The following PPM1H variants were observed in gnomAD, a reference collection of about 807,000 sequenced individuals.
PPM1H encodes the protein protein phosphatase, Mg2+/Mn2+ dependent 1H.
Under a neutral mutation model 54.9 loss-of-function variants are expected in PPM1H, and 27 were observed. That is an observed-to-expected ratio of 0.49 (90% confidence interval 0.36 to 0.68). The LOEUF (loss-of-function observed/expected upper bound fraction) is 0.68. Ranked by LOEUF, PPM1H falls within the 30% of genes least tolerant of loss-of-function variation. The probability of loss-of-function intolerance (pLI) is 0.00; values close to 1 mark genes in which losing one functional copy is unlikely to be tolerated. For missense variants in PPM1H, 596 were observed against 667.8 expected (o/e 0.89, Z 1.19); for synonymous variants, 305 against 270.8 (o/e 1.13, Z -1.24).
At chr12:62,903,558 G>C (rs1871222234) in intron 1 of PPM1H, among the ~76,000 whole-genome samples, 1 of 152,170 alleles carries the variant, frequency 6.6e-6, no homozygotes, top group African/African-American at 2.4e-5. Flanking sequence ...TAACCACTGA[G>C]CACAAGAACT....
intron 6 of PPM1H, among the ~76,000 whole-genome samples, chr12:62,719,929 G>T (rs1047287864): frequency 6.6e-6 from 1 of 152,176 alleles, no homozygotes; most frequent in African/African-American, 2.4e-5. Context: ...GAGAAATCAG[G>T]TCAGTTTCCT....
intron 2 of PPM1H, among the ~76,000 whole-genome samples, chr12:62,826,133 C>T (rs1361256828): frequency 6.6e-5 from 10 of 151,968 alleles, no homozygotes; most frequent in Non-Finnish European, 1.5e-4. Context: ...ATCTTAACAC[C>T]AATTCATTAT....
intron 4 of PPM1H, among the ~76,000 whole-genome samples, chr12:62,757,200 T>G (rs2076481808): frequency 6.6e-6 from 1 of 152,162 alleles, no homozygotes; most frequent in Non-Finnish European, 1.5e-5. Context: ...CTGAATTATC[T>G]GAGTGTAGAC....
At chr12:62,699,934 C>T (rs1338662333) in intron 6 of PPM1H, among the ~76,000 whole-genome samples, 1 of 152,182 alleles carries the variant, frequency 6.6e-6, no homozygotes, top group East Asian at 1.9e-4. Flanking sequence ...CAGTGGACGA[C>T]ATTCCTTCAA....
rs115803477 is a variant in PPM1H, at chr12:62,658,872, A to G, written c.1397+8306T>C. On this transcript the variant is annotated intron_variant, in intron 9 of 9. Coordinates refer to ENST00000228705, the MANE Select transcript of PPM1H (RefSeq NM_020700.2). The stretch of plus-strand genomic sequence containing the variant: ...CCCAAGATTGTCAAAAAAAGAACCA[A>G]GAAGTTCATCCAGCACCAGTCTGAC... 1.6e-3 allele frequency: 1,003 copies of G among 615,688 alleles called. 12 individuals carry two copies. The African/African-American group carries it at 0.017, about 10-fold the overall frequency. 38.1% of individuals were successfully genotyped at this position (615,688 alleles called of 1,614,324 possible). A position where few individuals can be genotyped will look rare whatever the true frequency, so the allele number is the denominator to read the frequency against.
intron 1 of PPM1H, among the ~76,000 whole-genome samples, chr12:62,843,963 G>A (rs1188640656): frequency 6.6e-6 from 1 of 152,198 alleles, no homozygotes; most frequent in Non-Finnish European, 1.5e-5. Flanking sequence ...ACAAGGGAAA[G>A]AACATGCTAA....
At position 62,934,436 on chromosome 12, in the gene PPM1H, C is replaced by G. The variant is rs1376669839; in HGVS notation, c.245+56G>C. ...AGCAGGGAGAGAAGAGGGCTGGAAC[C>G]GTGCGGGGAAGGGCCGCGAGGAGAG... On this transcript the variant is annotated intron_variant, in intron 1 of 9. Transcript: ENST00000228705. This position sits in a 1 kb window ranked among gnomAD's most constrained non-coding sequence, Gnocchi z 4.2. The G allele has an allele frequency of 3.8e-5, 56 of 1,481,428 alleles. 1 individual carries two copies. The South Asian group carries it at 5.6e-4, about 15-fold the overall frequency. The allele number at this position is 1,481,428 out of a possible 1,614,324, so 91.8% of individuals were successfully genotyped here. A position where few individuals can be genotyped will look rare whatever the true frequency, so the allele number is the denominator to read the frequency against.
chr12:62,759,273 C>T (rs1325042744), intron 4 of PPM1H, among the ~76,000 whole-genome samples: 1 of 152,222 alleles, frequency 6.6e-6, no homozygotes, highest in Non-Finnish European at 1.5e-5. Context: ...CTCACTCTCA[C>T]TCCATGAAGA....
In PPM1H at chr12:62,646,461, C is replaced by G. The variant is rs1035514766; in HGVS notation, c.*2028G>C. 1 of 152,198 alleles carries G rather than the reference C, an allele frequency of 6.6e-6. No homozygotes were observed. The allele number at this position is 152,198 out of a possible 1,614,324, so 9.4% of individuals were successfully genotyped here. A position where few individuals can be genotyped will look rare whatever the true frequency, so the allele number is the denominator to read the frequency against. Reference sequence around the variant, plus strand: ...CTCAGGGTCCTCCACGGAAGACTTGCTCAGGTTTCCTACTTACACATGACT... The same window carrying G: ...CTCAGGGTCCTCCACGGAAGACTTGGTCAGGTTTCCTACTTACACATGACT... On this transcript the variant is annotated 3_prime_UTR_variant, in exon 10 of 10. Coordinates refer to ENST00000228705, the MANE Select transcript of PPM1H (RefSeq NM_020700.2).
chr12:62,888,571 G>T (rs1336034255), intron 1 of PPM1H, among the ~76,000 whole-genome samples: 2 of 152,114 alleles, frequency 1.3e-5, no homozygotes, highest in African/African-American at 4.8e-5. Flanking sequence ...CATAAGAAAA[G>T]GGTGTTTCAA....
intron 2 of PPM1H, among the ~76,000 whole-genome samples, chr12:62,815,968 A>G (rs2120792721): frequency 6.6e-6 from 1 of 152,350 alleles, no homozygotes; most frequent in African/African-American, 2.4e-5. Context: ...AGTAACAGCT[A>G]TTACAGTTTC....
chr12:62,900,389 G>C (rs1251024516), intron 1 of PPM1H, among the ~76,000 whole-genome samples: 1 of 151,948 alleles, frequency 6.6e-6, no homozygotes, highest in Admixed American at 6.6e-5. Flanking sequence ...GCCTGTTGTG[G>C]GGTGGGGTAG....
rs2120377885 is a variant in PPM1H, at chr12:62,934,733, G to A, written c.4C>T (p.Leu2Phe). 1.3e-6 allele frequency: 2 copies of A among 1,559,842 alleles called. No individual in the cohort carries two copies. Among genetic ancestry groups the A allele is most frequent in the South Asian group, 2.3e-5 (2 of 86,110 alleles). ...GCCACGGCAGATTTCACTCGAGTGA[G>A]CATATTACTCCGGCGCCCGGCTGCA... M[L>F]TRVKSAVANF... is the part of the protein sequence containing the mutation. The change falls in exon 1 of 10, where the codon CTC (leucine) becomes TTC (phenylalanine). Residue 2 changes from leucine (L) to phenylalanine (F), a missense_variant. Physicochemically the swap from Leu to Phe is conservative, Grantham distance 22. Coordinates refer to ENST00000228705, the MANE Select transcript of PPM1H (RefSeq NM_020700.2). The surrounding 1 kb of genome is among the most constrained non-coding windows in gnomAD (Gnocchi z 4.2).
At chr12:62,705,984 C>T (rs761179725) in intron 6 of PPM1H, among the ~76,000 whole-genome samples, 3 of 152,198 alleles carry the variant, frequency 2.0e-5, no homozygotes, top group African/African-American at 4.8e-5. Flanking sequence ...CTTTCCCTCA[C>T]GAAGCTTCTC....
In PPM1H at chr12:62,776,819, A is replaced by G. The variant is rs1013219645; in HGVS notation, c.869+11407T>C. Among the ~76,000 whole-genome samples the G allele has an allele frequency of 2.0e-5, 3 of 152,236 alleles. No homozygotes were observed. The East Asian group carries it at 5.8e-4, about 29-fold the overall frequency. ...GCCTGGAGAGTTTATTACCTTGCTTAAACAAGACAGGATAGAGTTGAAGGT... is the reference window on the plus strand; with the variant it reads ...GCCTGGAGAGTTTATTACCTTGCTTGAACAAGACAGGATAGAGTTGAAGGT... On this transcript the variant is annotated intron_variant, in intron 4 of 9. Coordinates refer to ENST00000228705, the MANE Select transcript of PPM1H (RefSeq NM_020700.2).
chr12:62,725,307 T>C lies in PPM1H; in HGVS notation c.955-5018A>G, dbSNP rs142917693. On this transcript the variant is annotated intron_variant, in intron 5 of 9. Coordinates refer to ENST00000228705, the MANE Select transcript of PPM1H (RefSeq NM_020700.2). ...ACCCCAAAAAATGGCACCTTGGCAT[T>C]TGAGGAAACAGCAGAAACAGGAAAG... Among the ~76,000 whole-genome samples, 600 of 152,280 alleles carry C rather than the reference T, an allele frequency of 3.9e-3. 5 individuals are homozygous for C. The highest frequency in any genetic ancestry group is 0.014 in the African/African-American group (576 of 41,540).
intron 9 of PPM1H, among the ~76,000 whole-genome samples, chr12:62,651,475 A>G (rs10506445): frequency 0.038 from 5,769 of 152,322 alleles, 155 homozygotes; most frequent in Non-Finnish European, 0.054. Context: ...GTGACTTTGC[A>G]TATTTTTTAA....
At chr12:62,773,301 C>G (rs1041787596) in intron 4 of PPM1H, among the ~76,000 whole-genome samples, 4 of 151,904 alleles carry the variant, frequency 2.6e-5, no homozygotes, top group African/African-American at 9.7e-5. Context: ...GTAGGGAGAA[C>G]CATCTCTGTA....
intron 9 of PPM1H, among the ~76,000 whole-genome samples, chr12:62,649,051 A>AGTT (rs1383218271): frequency 6.6e-6 from 1 of 152,198 alleles, no homozygotes; most frequent in Non-Finnish European, 1.5e-5. Context: ...TTAGTTTTAG[A>AGTT]GTTATATTGC....
Sources: allele counts gnomAD v4.1 joint callset (sites outside exome capture counted in the v4.1 genomes callset), GRCh38; gene constraint gnomAD v4.1.1; non-coding constraint Gnocchi (gnomAD v3.1); transcripts MANE v1.5; gene names NCBI Gene and HGNC (gene_info 2026-07-23, HGNC 2026-07-21).